Variants in TMEM131 observed in about 807,000 individuals in gnomAD.
TMEM131 encodes the protein 2610524E03Rik.
Under a neutral mutation model 211.6 loss-of-function variants are expected in TMEM131, and 66 were observed. The observed-to-expected ratio is 0.31, with a 90% CI of 0.26 to 0.38. The LOEUF is 0.38. Ranked by LOEUF, TMEM131 falls within the 10% of genes least tolerant of loss-of-function variation. The probability of loss-of-function intolerance (pLI) is 1.00; values close to 1 mark genes in which losing one functional copy is unlikely to be tolerated. For missense variants in TMEM131, 2,036 were observed against 2,299.3 expected (o/e 0.89, Z 2.34); for synonymous variants, 844 against 841.3 (o/e 1.00, Z -0.06).
intron 1 of TMEM131, among the ~76,000 whole-genome samples, chr2:97,969,113 A>G (rs1679186116): frequency 6.6e-6 from 1 of 151,874 alleles, no homozygotes; most frequent in African/African-American, 2.4e-5. Flanking sequence ...AAAGGATATG[A>G]CAACATTTAT....
intron 1 of TMEM131, among the ~76,000 whole-genome samples, chr2:97,939,866 A>G (rs571474736): frequency 6.6e-6 from 1 of 152,372 alleles, no homozygotes; most frequent in Admixed American, 6.5e-5. Context: ...GGCTGGTTCA[A>G]CATACGCAAA....
chr2:97,774,701 G>A (rs996858293), intron 32 of TMEM131, among the ~76,000 whole-genome samples: 3 of 152,190 alleles, frequency 2.0e-5, no homozygotes, highest in Non-Finnish European at 4.4e-5. Context: ...GCTGGCAGGT[G>A]GGAAGGGAAG....
chr2:97,977,835 C>T (rs1323858515), intron 1 of TMEM131, among the ~76,000 whole-genome samples: 1 of 152,080 alleles, frequency 6.6e-6, no homozygotes, highest in Non-Finnish European at 1.5e-5. Context: ...TGCCTATAAT[C>T]CCAGCACTTT....
At chr2:97,884,079 A>T (rs1675043260) in intron 4 of TMEM131, among the ~76,000 whole-genome samples, 1 of 152,046 alleles carries the variant, frequency 6.6e-6, no homozygotes. Flanking sequence ...TTGCCTCTTA[A>T]TATTGCTTTT....
At chr2:97,816,745 T>C (rs1358058517) in intron 12 of TMEM131, among the ~76,000 whole-genome samples, 1 of 152,238 alleles carries the variant, frequency 6.6e-6, no homozygotes, top group Non-Finnish European at 1.5e-5. Context: ...TTTCATGACA[T>C]TGTATCATAC....
At chr2:97,875,112 A>G (rs1020873622) in intron 4 of TMEM131, among the ~76,000 whole-genome samples, 4 of 152,222 alleles carry the variant, frequency 2.6e-5, no homozygotes, top group Admixed American at 6.5e-5. Context: ...ATCAAAAGAG[A>G]CAAAGAAGGG....
intron 2 of TMEM131, among the ~76,000 whole-genome samples, chr2:97,921,833 G>A (rs928927176): frequency 2.0e-5 from 3 of 152,218 alleles, no homozygotes; most frequent in East Asian, 1.9e-4. Context: ...TCAGGGAAAC[G>A]AAAATAAAAT....
At chr2:97,943,976 G>A (rs751760265) in intron 1 of TMEM131, among the ~76,000 whole-genome samples, 1 of 152,166 alleles carries the variant, frequency 6.6e-6, no homozygotes, top group Non-Finnish European at 1.5e-5. Flanking sequence ...CAGCTACCTG[G>A]GAGGCTGAGG....
intron 3 of TMEM131, among the ~76,000 whole-genome samples, chr2:97,898,451 A>G (rs959665719): frequency 3.3e-5 from 5 of 152,172 alleles, no homozygotes; most frequent in Non-Finnish European, 7.4e-5. Context: ...AATTAAGGTT[A>G]AATGAGGTTA....
At chr2:97,809,659 T>C (rs373481122) in intron 19 of TMEM131, 29 bp downstream of exon 19, 94 of 1,558,230 alleles carry the variant, frequency 6.0e-5, no homozygotes, top group Non-Finnish European at 7.2e-5. Flanking sequence ...AAACGAGCAA[T>C]AGAAAAATGT....
At chr2:97,965,221 C>T (rs1202002144) in intron 1 of TMEM131, among the ~76,000 whole-genome samples, 1 of 152,172 alleles carries the variant, frequency 6.6e-6, no homozygotes, top group African/African-American at 2.4e-5. Context: ...TGGGGAAATT[C>T]ACAGAAACCG....
intron 35 of TMEM131, chr2:97,762,843 AC>A (rs1678928048): frequency 6.6e-6 from 1 of 152,144 alleles, no homozygotes; most frequent in Admixed American, 6.5e-5. Flanking sequence ...CTCCAGCCTG[AC>A]CCCATCTCTG....
chr2:97,760,660 T>C lies in TMEM131; in HGVS notation c.5041A>G (p.Asn1681Asp), dbSNP rs765200065. 2 of 1,613,854 alleles carry C rather than the reference T, an allele frequency of 1.2e-6. No individual in the cohort carries two copies. Among genetic ancestry groups the C allele is most frequent in the Admixed American group, 3.3e-5 (2 of 59,988 alleles). Reference sequence around the variant, plus strand: ...AGGCTGCTGGAGAAACCTGTTTTGTTTGAAGAAACTTTAGCAAAGCCATTC... The same window carrying C: ...AGGCTGCTGGAGAAACCTGTTTTGTCTGAAGAAACTTTAGCAAAGCCATTC... Reference protein sequence around the residue: ...GGNGFAKVSSNKTGFSSSLGI... With the variant: ...GGNGFAKVSSDKTGFSSSLGI... Residue 1681 changes from asparagine (N) to aspartate (D), a missense_variant, in exon 38 of 41, where the codon AAC becomes GAC. Transcript: ENST00000186436.
chr2:97,807,976 G>A (rs373921129), intron 19 of TMEM131, among the ~76,000 whole-genome samples: 2 of 152,040 alleles, frequency 1.3e-5, no homozygotes, highest in African/African-American at 4.8e-5. Flanking sequence ...TTACTGTAAG[G>A]GTTGAGTATC....
At chr2:97,934,495 AATT>A (rs1341143038) in intron 1 of TMEM131, among the ~76,000 whole-genome samples, 1 of 152,194 alleles carries the variant, frequency 6.6e-6, no homozygotes, top group Non-Finnish European at 1.5e-5. Context: ...ATCCCAGGAT[AATT>A]TTTTGTTGAC....
At chr2:97,822,112 T>C (rs990561856) in intron 11 of TMEM131, among the ~76,000 whole-genome samples, 6 of 152,226 alleles carry the variant, frequency 3.9e-5, no homozygotes, top group Admixed American at 6.5e-5. Context: ...CAAGGATAGT[T>C]CCGCTTCTAA....
intron 31 of TMEM131, among the ~76,000 whole-genome samples, chr2:97,786,122 G>C (rs1402563365): frequency 6.6e-6 from 1 of 152,084 alleles, no homozygotes; most frequent in African/African-American, 2.4e-5. Flanking sequence ...CACTATCCTG[G>C]GTATAGTAAT....
chr2:97,939,029 G>C (rs1049708229), intron 1 of TMEM131, among the ~76,000 whole-genome samples: 9 of 152,140 alleles, frequency 5.9e-5, no homozygotes, highest in Non-Finnish European at 1.0e-4. Flanking sequence ...ATTTAAAGCA[G>C]TGTGTAGAGG....
chr2:97,803,787 A>G (rs976858399), intron 22 of TMEM131, among the ~76,000 whole-genome samples: 1 of 152,140 alleles, frequency 6.6e-6, no homozygotes, highest in African/African-American at 2.4e-5. Context: ...GTAGGAGGTG[A>G]AGAGGCCCCT....
Sources: allele counts gnomAD v4.1 joint callset (sites outside exome capture counted in the v4.1 genomes callset), GRCh38; gene constraint gnomAD v4.1.1; transcripts MANE v1.5; gene names NCBI Gene and HGNC (gene_info 2026-07-23, HGNC 2026-07-21).